The following WWOX variants were observed in gnomAD, a reference collection of about 807,000 sequenced individuals.
WWOX encodes the protein WW domain containing oxidoreductase, also known as WW domain-containing oxidoreductase.
Under a neutral mutation model 46.2 loss-of-function variants are expected in WWOX, and 69 were observed. The observed-to-expected ratio is 1.49, with a 90% CI of 1.23 to 1.82. The LOEUF is 1.82. Among genes scored for constraint, WWOX ranks in the 40% most tolerant of loss-of-function variants. The pLI, the probability that WWOX is intolerant of heterozygous loss-of-function variation, is 0.00. For synonymous variants in WWOX, 359 were observed against 202.6 expected, an observed-to-expected ratio of 1.77 and a Z score of -6.56; for missense variants, 919 against 542.6, an observed-to-expected ratio of 1.69 and a Z score of -6.89.
chr16:78,804,431 A>T (rs1215574279), intron 8 of WWOX, among the ~76,000 whole-genome samples: 1 of 151,378 alleles, frequency 6.6e-6, no homozygotes, highest in Non-Finnish European at 1.5e-5. Flanking sequence ...AAAAAAAAAA[A>T]GAAAGAAAGA....
intron 8 of WWOX, among the ~76,000 whole-genome samples, chr16:78,809,728 G>A (rs2051139034): frequency 6.6e-6 from 1 of 152,128 alleles, no homozygotes; most frequent in South Asian, 2.1e-4. Flanking sequence ...TTGACCCTGT[G>A]GTTGTCATGA....
At chr16:78,821,834 C>G (rs2051504365) in intron 8 of WWOX, among the ~76,000 whole-genome samples, 1 of 152,120 alleles carries the variant, frequency 6.6e-6, no homozygotes, top group Non-Finnish European at 1.5e-5. Context: ...GCTTCTGAGT[C>G]CAAAGCTAAC....
In WWOX at chr16:78,356,071, T is replaced by TAAAA. The variant is rs61113878; in HGVS notation, c.517-30770_517-30767dup. 5.9e-3 allele frequency among the ~76,000 whole-genome samples: 450 copies of TAAAA among 76,090 alleles called. 23 individuals are homozygous for TAAAA. Among genetic ancestry groups the TAAAA allele is most frequent in the Non-Finnish European group, 8.8e-3 (347 of 39,480 alleles). The allele number at this position is 76,090 out of a possible 152,430, so 49.9% of individuals were successfully genotyped here. A position where few individuals can be genotyped will look rare whatever the true frequency, so the allele number is the denominator to read the frequency against. On this transcript the variant is annotated intron_variant, in intron 5 of 8. Coordinates refer to ENST00000566780, the MANE Select transcript of WWOX (RefSeq NM_016373.4). Reference sequence around the variant, plus strand: ...TATGACCACCAAGATTTTTTTTTCCTAAAAAAAAAAAAAAAAAAAAAAGAA... The same window carrying TAAAA: ...TATGACCACCAAGATTTTTTTTTCCTAAAAAAAAAAAAAAAAAAAAAAAAAAGAA...
intron 8 of WWOX, among the ~76,000 whole-genome samples, chr16:78,624,720 TCTA>T (rs2046271855): frequency 1.3e-5 from 2 of 152,246 alleles, no homozygotes; most frequent in East Asian, 3.9e-4. Flanking sequence ...ACATAATATG[TCTA>T]TCATTTGGAA....
At chr16:78,292,737 T>G (rs1406941730) in intron 5 of WWOX, among the ~76,000 whole-genome samples, 1 of 152,210 alleles carries the variant, frequency 6.6e-6, no homozygotes, top group Non-Finnish European at 1.5e-5. Flanking sequence ...TGTGCTGCCC[T>G]TACCCTAAAG....
intron 6 of WWOX, among the ~76,000 whole-genome samples, chr16:78,408,392 T>G (rs972833079): frequency 1.3e-5 from 2 of 152,150 alleles, no homozygotes; most frequent in Admixed American, 1.3e-4. Flanking sequence ...TGGGGCAACT[T>G]TACTGCCTTC....
Position 78,812,543 on chromosome 16 carries a change from G to A in WWOX, c.1056+379791G>A, listed in dbSNP as rs549035081. Among the ~76,000 whole-genome samples the A allele has an allele frequency of 3.9e-5, 6 of 152,016 alleles. No individual in the cohort carries two copies. The East Asian group carries it at 5.8e-4, about 15-fold the overall frequency. On this transcript the variant is annotated intron_variant, in intron 8 of 8. Transcript: ENST00000566780. ...TCGAGACCAGCCTGGCCAACATGGC[G>A]AAACTCCTTCTCTACTAAAAATAAA... is the stretch of plus-strand genomic sequence containing the variant.
intron 8 of WWOX, among the ~76,000 whole-genome samples, chr16:78,844,720 CT>C (rs2052252183): frequency 6.6e-6 from 1 of 152,214 alleles, no homozygotes; most frequent in African/African-American, 2.4e-5. Context: ...GGGCAACTGT[CT>C]GCCTTACAAG....
intron 8 of WWOX, among the ~76,000 whole-genome samples, chr16:78,685,214 A>C (rs1408141763): frequency 6.6e-6 from 1 of 152,182 alleles, no homozygotes; most frequent in African/African-American, 2.4e-5. Flanking sequence ...ACCCTCAGCC[A>C]GGGCAGGAGT....
At chr16:78,877,774 G>A (rs1176017013) in intron 8 of WWOX, among the ~76,000 whole-genome samples, 3 of 152,136 alleles carry the variant, frequency 2.0e-5, no homozygotes, top group Non-Finnish European at 4.4e-5. Flanking sequence ...ATATTTATTG[G>A]AGGAATGAAT....
intron 8 of WWOX, among the ~76,000 whole-genome samples, chr16:78,732,795 G>C (rs977133452): frequency 3.9e-5 from 6 of 152,164 alleles, no homozygotes; most frequent in Non-Finnish European, 8.8e-5. Flanking sequence ...TATGGTTTTG[G>C]AATCTCTGGC....
intron 8 of WWOX, among the ~76,000 whole-genome samples, chr16:78,784,371 C>T (rs927204298): frequency 6.6e-6 from 1 of 151,986 alleles, no homozygotes. Context: ...TATCTGAAGA[C>T]TAAAGAATCA....
chr16:79,010,015 A>G lies in WWOX; in HGVS notation c.1057-201593A>G, dbSNP rs184103433. Reference sequence around the variant, plus strand: ...TAGGACTTCAGAAGCGAAAGGAAGAATAATGGGTCTTGAGTATGCCTAGAA... The same window carrying G: ...TAGGACTTCAGAAGCGAAAGGAAGAGTAATGGGTCTTGAGTATGCCTAGAA... On this transcript the variant is annotated intron_variant, in intron 8 of 8. Transcript: ENST00000566780. 3.9e-3 allele frequency among the ~76,000 whole-genome samples: 587 copies of G among 152,312 alleles called. 1 individual carries two copies. The highest frequency in any genetic ancestry group is 0.012 in the African/African-American group (519 of 41,572).
chr16:78,855,221 A>G (rs2052539408), intron 8 of WWOX, among the ~76,000 whole-genome samples: 3 of 152,174 alleles, frequency 2.0e-5, no homozygotes, highest in Admixed American at 6.5e-5. Flanking sequence ...TGACCTACAA[A>G]GTCTTCACGT....
intron 2 of WWOX, among the ~76,000 whole-genome samples, chr16:78,109,033 G>C (rs1163241981): frequency 6.6e-6 from 1 of 152,072 alleles, no homozygotes; most frequent in East Asian, 1.9e-4. Context: ...AATAATTGAG[G>C]CCTTTGATTC....
chr16:78,724,894 C>G (rs1045610109), intron 8 of WWOX, among the ~76,000 whole-genome samples: 3 of 152,146 alleles, frequency 2.0e-5, no homozygotes, highest in African/African-American at 7.2e-5. Flanking sequence ...TTTTTCCTTG[C>G]ATCTCTGGAG....
chr16:78,388,389 G>A (rs1436527379), intron 6 of WWOX, among the ~76,000 whole-genome samples: 1 of 152,138 alleles, frequency 6.6e-6, no homozygotes, highest in African/African-American at 2.4e-5. Flanking sequence ...GCTTATGCCT[G>A]TAATCCCAGC....
intron 5 of WWOX, among the ~76,000 whole-genome samples, chr16:78,374,356 C>G (rs755815566): frequency 5.3e-5 from 8 of 151,948 alleles, no homozygotes; most frequent in Non-Finnish European, 1.0e-4. Flanking sequence ...AAATCCTTCC[C>G]CCCATAAAAC....
chr16:78,489,952 A>G (rs1278167923), intron 8 of WWOX, among the ~76,000 whole-genome samples: 2 of 152,294 alleles, frequency 1.3e-5, no homozygotes, highest in South Asian at 4.2e-4. Context: ...ACAAAGACCC[A>G]TCATTTCCCA....
Sources: gnomAD v4.1 joint callset for allele counts (sites outside exome capture counted in the v4.1 genomes callset) on GRCh38, gnomAD v4.1.1 for gene constraint, MANE v1.5 for transcripts, NCBI Gene and HGNC (gene_info 2026-07-23, HGNC 2026-07-21) for gene names.